CPNE4: variants seen among roughly 807,000 people sequenced by gnomAD.
The protein encoded by CPNE4 is copine 4.
CPNE4 carries 25 observed loss-of-function variants against 67.9 expected under a neutral mutation model. That is an observed-to-expected ratio of 0.37 (90% CI 0.27 to 0.51). The LOEUF is 0.51. Ranked by LOEUF, CPNE4 falls within the 20% of genes least tolerant of loss-of-function variation. CPNE4 has a pLI of 0.93. For missense variants in CPNE4, 464 were observed against 690.8 expected (o/e 0.67, Z 3.68); for synonymous variants, 242 against 244.9 (o/e 0.99, Z 0.11).
chr3:131,593,241 G>A (rs1938640838), intron 7 of CPNE4, among the ~76,000 whole-genome samples: 1 of 152,122 alleles, frequency 6.6e-6, no homozygotes, highest in African/African-American at 2.4e-5. Context: ...CAAATCTATA[G>A]ATTACTTCTG....
At chr3:131,679,022 A>G (rs1247043891) in intron 6 of CPNE4, among the ~76,000 whole-genome samples, 1 of 151,932 alleles carries the variant, frequency 6.6e-6, no homozygotes, top group Non-Finnish European at 1.5e-5. Context: ...TTTTTTGTGT[A>G]TCTGGTAGAA....
At chr3:131,998,762 ATTCT>A (rs1296513574) in intron 1 of CPNE4, among the ~76,000 whole-genome samples, 1 of 152,078 alleles carries the variant, frequency 6.6e-6, no homozygotes, top group African/African-American at 2.4e-5. Flanking sequence ...TTATTTGTTC[ATTCT>A]TTATTTGCTT....
At chr3:131,858,437 A>G (rs1046096152) in intron 2 of CPNE4, among the ~76,000 whole-genome samples, 1 of 152,180 alleles carries the variant, frequency 6.6e-6, no homozygotes, top group African/African-American at 2.4e-5. Context: ...AAACTTGGAT[A>G]AGAAAAGTTG....
chr3:131,622,752 T>G (rs998570224), intron 7 of CPNE4, among the ~76,000 whole-genome samples: 5 of 152,144 alleles, frequency 3.3e-5, no homozygotes, highest in Admixed American at 2.0e-4. Flanking sequence ...GGGTGGACAC[T>G]TACAGCAGGT....
At chr3:131,581,730 G>T in intron 8 of CPNE4, 65 bp from the exon 9 acceptor site, 1 of 1,094,770 alleles carries the variant, frequency 9.1e-7, no homozygotes, top group Non-Finnish European at 1.4e-6. Context: ...ATAAGGCCAA[G>T]CTCCTAGGTG....
At chr3:131,854,732 C>A (rs1213912316) in intron 2 of CPNE4, among the ~76,000 whole-genome samples, 1 of 151,416 alleles carries the variant, frequency 6.6e-6, no homozygotes, top group Non-Finnish European at 1.5e-5. Context: ...TATTTTCTCT[C>A]CCTCCATCTT....
chr3:131,584,247 T>C (rs1316411132), intron 8 of CPNE4, among the ~76,000 whole-genome samples: 1 of 152,160 alleles, frequency 6.6e-6, no homozygotes, highest in Non-Finnish European at 1.5e-5. Flanking sequence ...CTCTTGATTT[T>C]AAATGTCCTC....
intron 3 of CPNE4, among the ~76,000 whole-genome samples, chr3:131,701,287 GA>G: frequency 6.6e-6 from 1 of 152,116 alleles, no homozygotes; most frequent in African/African-American, 2.4e-5. Flanking sequence ...CTCATGCTTA[GA>G]GGGAACAACA....
intron 2 of CPNE4, among the ~76,000 whole-genome samples, chr3:131,843,760 C>CAA (rs1277721163): frequency 3.3e-5 from 5 of 152,146 alleles, no homozygotes; most frequent in Non-Finnish European, 5.9e-5. Context: ...CTCCATATAT[C>CAA]AAGCACTGGA....
intron 1 of CPNE4, among the ~76,000 whole-genome samples, chr3:132,028,748 TA>T (rs964105496): frequency 6.6e-6 from 1 of 152,160 alleles, no homozygotes; most frequent in African/African-American, 2.4e-5. Flanking sequence ...ATAGGAGCAT[TA>T]AGCACTTAAA....
chr3:131,792,925 G>GAGTGTGTGTGTGTATCTATA (rs1553772401), intron 2 of CPNE4, among the ~76,000 whole-genome samples: 1 of 135,142 alleles, frequency 7.4e-6, no homozygotes, highest in African/African-American at 2.9e-5. Flanking sequence ...GTGTGTGTGT[G>GAGTGTGTGTGTGTATCTATA]TATCTCCAAC....
chr3:131,716,036 A>G (rs1455016870), intron 3 of CPNE4, among the ~76,000 whole-genome samples: 1 of 152,094 alleles, frequency 6.6e-6, no homozygotes, highest in Non-Finnish European at 1.5e-5. Flanking sequence ...TTCCCTGAGG[A>G]CCTCAGCCTT....
intron 7 of CPNE4, among the ~76,000 whole-genome samples, chr3:131,590,250 C>G (rs1408964202): frequency 6.6e-6 from 1 of 152,114 alleles, no homozygotes; most frequent in South Asian, 2.1e-4. Context: ...CAGAGAGCAG[C>G]ATGAGATGGC....
chr3:131,965,437 A>T (rs969286713), intron 1 of CPNE4, among the ~76,000 whole-genome samples: 5 of 152,230 alleles, frequency 3.3e-5, no homozygotes, highest in African/African-American at 1.2e-4. Context: ...GGAAAATTGG[A>T]TAAAGAATCA....
intron 1 of CPNE4, among the ~76,000 whole-genome samples, chr3:131,911,903 T>G (rs1321606581): frequency 6.6e-6 from 1 of 152,170 alleles, no homozygotes; most frequent in Non-Finnish European, 1.5e-5. Context: ...TGTTTGGCTT[T>G]GGTCCAGCTG....
chr3:131,632,095 C>T (rs1437082036), intron 7 of CPNE4, among the ~76,000 whole-genome samples: 5 of 151,120 alleles, frequency 3.3e-5, no homozygotes, highest in East Asian at 2.0e-4. Context: ...CTGCAGCCTC[C>T]GCCTCCTGGG....
At chr3:131,811,422 T>C (rs1393614302) in intron 2 of CPNE4, among the ~76,000 whole-genome samples, 2 of 152,094 alleles carry the variant, frequency 1.3e-5, no homozygotes, top group Non-Finnish European at 2.9e-5. Flanking sequence ...CTGGAAATAA[T>C]GTAAATATGT....
intron 1 of CPNE4, among the ~76,000 whole-genome samples, chr3:131,915,072 T>G (rs1001841039): frequency 4.6e-5 from 7 of 152,218 alleles, no homozygotes; most frequent in Non-Finnish European, 8.8e-5. Flanking sequence ...TTGAGACAAC[T>G]TCTTGAGATC....
At chr3:132,007,585 G>A (rs888491937) in intron 1 of CPNE4, among the ~76,000 whole-genome samples, 49 of 151,950 alleles carry the variant, frequency 3.2e-4, no homozygotes, top group Non-Finnish European at 6.8e-4. Flanking sequence ...ATGCCTTGGA[G>A]TTGTGCCATG....
Sources: allele counts gnomAD v4.1 joint callset (sites outside exome capture counted in the v4.1 genomes callset), GRCh38; gene constraint gnomAD v4.1.1; transcripts MANE v1.5; gene names NCBI Gene and HGNC (gene_info 2026-07-23, HGNC 2026-07-21).